Variants in RTTN observed in about 807,000 individuals in gnomAD.
RTTN encodes the protein rotatin.
Under a neutral mutation model 269.2 loss-of-function variants are expected in RTTN, and 182 were observed. The ratio of observed to expected loss-of-function variants is 0.68; its 90% CI spans 0.60 to 0.76. RTTN has a LOEUF of 0.76. Among genes scored for constraint, RTTN ranks in the 30% least tolerant of loss-of-function variants. The pLI is 0.00. For synonymous variants in RTTN, 1,006 were observed against 963.5 expected (o/e 1.04, Z -0.82); for missense variants, 2,545 against 2,608.6 (o/e 0.98, Z 0.53).
chr18:70,041,137 G>T (rs1372812780), intron 40 of RTTN, among the ~76,000 whole-genome samples: 2 of 152,012 alleles, frequency 1.3e-5, no homozygotes, highest in Non-Finnish European at 1.5e-5. Flanking sequence ...GAACTTGGGA[G>T]GCAGAGGTTG....
intron 35 of RTTN, among the ~76,000 whole-genome samples, chr18:70,064,296 C>T (rs2058072577): frequency 7.1e-6 from 1 of 139,984 alleles, no homozygotes; most frequent in African/African-American, 2.6e-5. Context: ...CAAGATTGCG[C>T]CACTGCACTC....
At chr18:70,184,585 A>T (rs2061490543) in intron 10 of RTTN, among the ~76,000 whole-genome samples, 1 of 152,058 alleles carries the variant, frequency 6.6e-6, no homozygotes, top group Admixed American at 6.6e-5. Context: ...ATAATGAGCT[A>T]AACAAGTGAA....
intron 45 of RTTN, among the ~76,000 whole-genome samples, chr18:70,019,004 A>G (rs2056625883): frequency 6.6e-6 from 1 of 152,016 alleles, no homozygotes; most frequent in Non-Finnish European, 1.5e-5. Context: ...CCTACAGATG[A>G]GTAATGAAGA....
intron 14 of RTTN, among the ~76,000 whole-genome samples, chr18:70,160,153 T>G (rs116217853): frequency 6.6e-6 from 1 of 151,172 alleles, no homozygotes; most frequent in African/African-American, 2.4e-5. Context: ...CAGGCCAATA[T>G]CTCTGATGGA....
intron 40 of RTTN, among the ~76,000 whole-genome samples, chr18:70,036,952 T>C (rs566964985): frequency 6.6e-6 from 1 of 152,312 alleles, no homozygotes; most frequent in South Asian, 2.1e-4. Context: ...CTGCCTGGTA[T>C]GGCGAGCTAA....
chr18:70,193,911 CA>C (rs1461550152), intron 7 of RTTN, among the ~76,000 whole-genome samples: 1 of 152,168 alleles, frequency 6.6e-6, no homozygotes, highest in African/African-American at 2.4e-5. Context: ...AAAGCACAAA[CA>C]ACCAAGGAAC....
chr18:70,121,752 AC>A (rs1306740561), intron 25 of RTTN, 52 bp from the exon 26 acceptor site: 3 of 1,441,552 alleles, frequency 2.1e-6, no homozygotes, highest in Non-Finnish European at 1.9e-6. Context: ...AATACACAAT[AC>A]CACTGTTCAT....
intron 40 of RTTN, among the ~76,000 whole-genome samples, chr18:70,036,782 T>G (rs533609536): frequency 6.6e-6 from 1 of 152,126 alleles, no homozygotes; most frequent in East Asian, 1.9e-4. Context: ...AACACCAAAT[T>G]TTAACAACTA....
chr18:70,043,360 G>A (rs1009733572), intron 40 of RTTN, among the ~76,000 whole-genome samples: 4 of 152,124 alleles, frequency 2.6e-5, no homozygotes, highest in Non-Finnish European at 4.4e-5. Context: ...CATTCACGCT[G>A]CCTATTCTCT....
rs2145353144 is a variant in RTTN, at chr18:70,101,585, GCT to G, written c.3903+7911_3903+7912del. Among the ~76,000 whole-genome samples the G allele has an allele frequency of 1.3e-5, 2 of 151,970 alleles. 1 individual carries two copies. Among genetic ancestry groups the G allele is most frequent in the South Asian group, 4.2e-4 (2 of 4,812 alleles). The stretch of plus-strand genomic sequence containing the variant: ...TTGTGTCTGTACCTCCTTCATTTCT[GCT>G]CTGTTCTTAGTTATTTCTTGCCTTC... On this transcript the variant is annotated intron_variant, in intron 28 of 48. Transcript: ENST00000640769.
At chr18:70,110,863 T>A (rs1268704487) in intron 27 of RTTN, among the ~76,000 whole-genome samples, 2 of 152,202 alleles carry the variant, frequency 1.3e-5, no homozygotes, top group East Asian at 3.9e-4. Context: ...CCTGGGACGC[T>A]AGAGCTTGGT....
chr18:70,090,914 C>T (rs2058827837), intron 30 of RTTN, among the ~76,000 whole-genome samples: 1 of 152,196 alleles, frequency 6.6e-6, no homozygotes, highest in South Asian at 2.1e-4. Flanking sequence ...TGAGCATTAA[C>T]ATCTAATGAA....
chr18:70,061,409 G>A (rs1354074098), intron 35 of RTTN: 1 of 456,188 alleles, frequency 2.2e-6, no homozygotes, highest in South Asian at 1.5e-5. Context: ...CCCTAAAGTG[G>A]AGAATGGAGT....
At chr18:70,062,391 A>G (rs1599340608) in intron 35 of RTTN, among the ~76,000 whole-genome samples, 1 of 150,754 alleles carries the variant, frequency 6.6e-6, no homozygotes, top group Non-Finnish European at 1.5e-5. Flanking sequence ...ACTCCCACCC[A>G]TTCTCATAAT....
chr18:70,172,999 T>C (rs1337856067), intron 11 of RTTN, among the ~76,000 whole-genome samples: 3 of 152,212 alleles, frequency 2.0e-5, no homozygotes, highest in Non-Finnish European at 4.4e-5. Flanking sequence ...CCATTCTTGA[T>C]GCTTATGCCT....
intron 11 of RTTN, among the ~76,000 whole-genome samples, chr18:70,176,252 T>TATATGC (rs984512641): frequency 2.8e-5 from 4 of 144,312 alleles, no homozygotes; most frequent in African/African-American, 1.1e-4. Context: ...TATGTATATG[T>TATATGC]ATATGTATAG....
chr18:70,184,547 A>G (rs1253508625), intron 10 of RTTN, among the ~76,000 whole-genome samples: 1 of 151,532 alleles, frequency 6.6e-6, no homozygotes, highest in Non-Finnish European at 1.5e-5. Context: ...ATGAGATTCC[A>G]TGTTAAAAAA....
At chr18:70,163,376 A>G (rs1702291518) in intron 14 of RTTN, among the ~76,000 whole-genome samples, 1 of 151,786 alleles carries the variant, frequency 6.6e-6, no homozygotes, top group East Asian at 1.9e-4. Flanking sequence ...GCGAGACTCC[A>G]TCTCAAAAAA....
At chr18:70,092,612 G>A (rs878911438) in intron 29 of RTTN, 64 bp downstream of exon 29, 322 of 1,558,970 alleles carry the variant, frequency 2.1e-4, no homozygotes, top group South Asian at 3.1e-4. Context: ...CTTGAAATGT[G>A]TTGGACACAG....
Sources: allele counts gnomAD v4.1 joint callset (sites outside exome capture counted in the v4.1 genomes callset), GRCh38; gene constraint gnomAD v4.1.1; transcripts MANE v1.5; gene names NCBI Gene and HGNC (gene_info 2026-07-23, HGNC 2026-07-21).